The following ZDHHC5 variants were observed in gnomAD, a reference collection of about 807,000 sequenced individuals.
The protein encoded by ZDHHC5 is zDHHC palmitoyltransferase 5.
A neutral mutation model predicts 70.0 loss-of-function variants in ZDHHC5; 22 were observed. That is an observed-to-expected ratio of 0.31 (90% CI 0.22 to 0.45). The LOEUF (loss-of-function observed/expected upper bound fraction) is 0.45. Among genes scored for constraint, ZDHHC5 ranks in the 20% least tolerant of loss-of-function variants. The pLI, the probability that ZDHHC5 is intolerant of heterozygous loss-of-function variation, is 1.00. For missense variants in ZDHHC5, 746 were observed against 926.9 expected (o/e 0.80, Z 2.53); for synonymous variants, 313 against 347.8 (o/e 0.90, Z 1.11).
intron 6 of ZDHHC5, among the ~76,000 whole-genome samples, chr11:57,691,797 TAA>T (rs550814044): frequency 1.4e-5 from 2 of 141,228 alleles, no homozygotes; most frequent in Admixed American, 7.1e-5. Flanking sequence ...AAGATCTTCC[TAA>T]AAAAAAAAAA....
chr11:57,697,184 C>T (rs548144492), intron 10 of ZDHHC5, among the ~76,000 whole-genome samples: 22 of 151,716 alleles, frequency 1.5e-4, no homozygotes, highest in African/African-American at 3.9e-4. Context: ...CAAAAATTGC[C>T]GGGCACAGTG....
intron 2 of ZDHHC5, among the ~76,000 whole-genome samples, chr11:57,680,574 G>A (rs1404926746): frequency 1.3e-5 from 2 of 152,178 alleles, no homozygotes; most frequent in Non-Finnish European, 2.9e-5. Flanking sequence ...AGTGTTCTAA[G>A]GATTTAATTT....
In ZDHHC5 at chr11:57,688,614, T is replaced by C. The variant is rs1946242290; in HGVS notation, c.333T>C (p.Phe111=). The C allele has an allele frequency of 6.2e-7, 1 of 1,610,500 alleles. No individual in the cohort carries two copies. Among genetic ancestry groups the C allele is most frequent in the Non-Finnish European group, 8.5e-7 (1 of 1,178,564 alleles). ...VRMKWCATCR[F]YRPPRCSHCS... Reference sequence around the variant, plus strand: ...TGAAATGGTGTGCCACCTGCCGCTTTTACCGTCCCCCTCGATGTTCCCACT... The same window carrying C: ...TGAAATGGTGTGCCACCTGCCGCTTCTACCGTCCCCCTCGATGTTCCCACT... Residue 111 remains phenylalanine (F), a synonymous_variant, in exon 4 of 12, where the codon TTT becomes TTC. Transcript: ENST00000287169.
intron 10 of ZDHHC5, 66 bp downstream of exon 10, chr11:57,696,939 G>A (rs1946360570): frequency 3.3e-6 from 5 of 1,533,226 alleles, no homozygotes; most frequent in South Asian, 1.1e-5. Context: ...GCTCATTCCT[G>A]TAATCCCAGC....
intron 3 of ZDHHC5, among the ~76,000 whole-genome samples, chr11:57,687,204 G>C (rs1039800573): frequency 3.3e-5 from 5 of 151,840 alleles, no homozygotes; most frequent in Non-Finnish European, 5.9e-5. Context: ...AGTAAAATTT[G>C]AAAACTTAAT....
intron 2 of ZDHHC5, among the ~76,000 whole-genome samples, chr11:57,675,439 T>G (rs1175784286): frequency 6.6e-6 from 1 of 152,232 alleles, no homozygotes; most frequent in Non-Finnish European, 1.5e-5. Flanking sequence ...TTAACCTACT[T>G]TCTCATTCCC....
chr11:57,699,527 T>C, intron 11 of ZDHHC5, 109 bp downstream of exon 11: 2 of 1,456,054 alleles, frequency 1.4e-6, no homozygotes, highest in Non-Finnish European at 1.8e-6. Context: ...GACCCAGGGG[T>C]ATCCTGGTAG....
Position 57,693,777 on chromosome 11 carries a change from A to G in ZDHHC5, c.753-6A>G. The stretch of plus-strand genomic sequence containing the variant: ...TGTCTCTCTCTCTCTCTCTCTCGAC[A>G]CTTAGGTATTTGGGGAGACCAAAGA... On this transcript the variant is annotated splice_region_variant and splice_polypyrimidine_tract_variant and intron_variant, in intron 7 of 11. Transcript: ENST00000287169. The G allele has an allele frequency of 6.4e-7, 1 of 1,555,480 alleles. No individual in the cohort carries two copies. Among genetic ancestry groups the G allele is most frequent in the South Asian group, 1.2e-5 (1 of 83,526 alleles).
intron 6 of ZDHHC5, among the ~76,000 whole-genome samples, chr11:57,691,414 G>T (rs910014815): frequency 2.0e-5 from 3 of 152,112 alleles, no homozygotes; most frequent in Non-Finnish European, 4.4e-5. Flanking sequence ...AGCCAGGATG[G>T]TCTCGATCTC....
chr11:57,692,992 G>A (rs555979440), intron 7 of ZDHHC5, among the ~76,000 whole-genome samples: 18 of 152,166 alleles, frequency 1.2e-4, no homozygotes, highest in Admixed American at 6.6e-4. Flanking sequence ...GTTTCAGGAT[G>A]AAACTGTTCC....
chr11:57,670,469 CAAA>C (rs201448292), intron 1 of ZDHHC5, among the ~76,000 whole-genome samples: 4 of 100,440 alleles, frequency 4.0e-5, no homozygotes, highest in Admixed American at 1.1e-4. Context: ...AACTGTGTTT[CAAA>C]AAAAAAAAAA....
In ZDHHC5 at chr11:57,699,372, G is replaced by A; in HGVS notation, c.1936G>A (p.Val646Ile). Reference protein sequence around the residue: ...SYSSQKAQPGVSETEEVALQP... With the variant: ...SYSSQKAQPGISETEEVALQP... ...CAGCAGCCAAAAAGCCCAACCTGGTGTCTCTGAGACAGAAGAAGTGGCCTT... is the reference window on the plus strand; with the variant it reads ...CAGCAGCCAAAAAGCCCAACCTGGTATCTCTGAGACAGAAGAAGTGGCCTT... The change falls in exon 11 of 12, where the codon GTC becomes ATC. Residue 646 changes from valine (V) to isoleucine (I), a missense_variant. Coordinates refer to ENST00000287169, the MANE Select transcript of ZDHHC5 (RefSeq NM_015457.3). 6.2e-7 allele frequency: 1 copy of A among 1,605,772 alleles called. No homozygotes were observed.
chr11:57,677,992 T>G (rs993432615), intron 2 of ZDHHC5, among the ~76,000 whole-genome samples: 1 of 152,222 alleles, frequency 6.6e-6, no homozygotes, highest in African/African-American at 2.4e-5. Context: ...AGAAATTGTT[T>G]TCTCATGGAA....
intron 9 of ZDHHC5, 99 bp from the exon 10 acceptor site, chr11:57,696,662 G>A (rs765317390): frequency 5.5e-5 from 57 of 1,036,934 alleles, no homozygotes; most frequent in Non-Finnish European, 7.9e-5. Flanking sequence ...AGCTATAATC[G>A]TGCCACTGCA....
intron 4 of ZDHHC5, among the ~76,000 whole-genome samples, 175 bp downstream of exon 4, chr11:57,688,840 ATAT>A (rs1246368292): frequency 6.6e-6 from 1 of 152,236 alleles, no homozygotes; most frequent in Non-Finnish European, 1.5e-5. Flanking sequence ...CAGAGCATAA[ATAT>A]TATTGCAGGA....
chr11:57,676,148 G>A (rs1297550265), intron 2 of ZDHHC5, among the ~76,000 whole-genome samples: 1 of 152,194 alleles, frequency 6.6e-6, no homozygotes, highest in Non-Finnish European at 1.5e-5. Flanking sequence ...TACCTTCCAT[G>A]TTTCTTTGTT....
Position 57,676,909 on chromosome 11 carries a change from A to ATTTTT in ZDHHC5, c.104+3741_104+3745dup, listed in dbSNP as rs72474322. Among the ~76,000 whole-genome samples, 498 of 80,964 alleles carry ATTTTT rather than the reference A, an allele frequency of 6.2e-3. 62 individuals carry two copies. The highest frequency in any genetic ancestry group is 0.025 in the African/African-American group (471 of 19,088). 53.1% of individuals were successfully genotyped at this position (80,964 alleles called of 152,430 possible). A position where few individuals can be genotyped will look rare whatever the true frequency, so the allele number is the denominator to read the frequency against. On this transcript the variant is annotated intron_variant, in intron 2 of 11. Coordinates refer to ENST00000287169, the MANE Select transcript of ZDHHC5 (RefSeq NM_015457.3). ...CAGGATAAGATCTCTGCTTCACGTG[A>ATTTTT]TTTTTTTTTTTTTTTTTTTTTTTTT...
At chr11:57,673,337 A>G in intron 2 of ZDHHC5, 143 bp downstream of exon 2, 2 of 703,200 alleles carry the variant, frequency 2.8e-6, no homozygotes, top group Non-Finnish European at 2.3e-6. Context: ...TCCCAGAGAC[A>G]TGTAAGAAAA....
chr11:57,695,912 C>G lies in ZDHHC5; in HGVS notation c.886-8C>G, dbSNP rs1228653360. The G allele has an allele frequency of 1.2e-6, 2 of 1,609,952 alleles. No homozygotes were observed. The highest frequency in any genetic ancestry group is 1.7e-6 in the Non-Finnish European group (2 of 1,178,908). On this transcript the variant is annotated splice_region_variant and splice_polypyrimidine_tract_variant and intron_variant, in intron 8 of 11. Coordinates refer to ENST00000287169, the MANE Select transcript of ZDHHC5 (RefSeq NM_015457.3). ...TAAATCTGATTTTCCCTCCCTTCAT[C>G]AATCCAGTCTAAGGGAAGCCTGGAG...
Sources: gnomAD v4.1 joint callset for allele counts (sites outside exome capture counted in the v4.1 genomes callset) on GRCh38, gnomAD v4.1.1 for gene constraint, MANE v1.5 for transcripts, NCBI Gene and HGNC (gene_info 2026-07-23, HGNC 2026-07-21) for gene names.